The following AGBL4 variants were observed in gnomAD, a reference collection of about 807,000 sequenced individuals.
AGBL4 encodes cytosolic carboxypeptidase 6.
In AGBL4, 58 loss-of-function variants were observed where a neutral mutation model predicts 66.4. The observed-to-expected ratio is 0.87, with a 90% CI of 0.71 to 1.09. The LOEUF is 1.09. Ranked by LOEUF, AGBL4 falls within the 50% of genes least tolerant of loss-of-function variation. The pLI is 0.00. For missense variants in AGBL4, 579 were observed against 631.0 expected, an observed-to-expected ratio of 0.92 and a Z score of 0.88; for synonymous variants, 234 against 222.9, an observed-to-expected ratio of 1.05 and a Z score of -0.44.
intron 9 of AGBL4, among the ~76,000 whole-genome samples, chr1:48,630,642 G>A (rs375287139): frequency 4.6e-5 from 7 of 152,154 alleles, no homozygotes; most frequent in African/African-American, 9.7e-5. Flanking sequence ...GTTCGGCACC[G>A]TCCGAATTTA....
chr1:49,852,035 A>C (rs2148064931), intron 1 of AGBL4, among the ~76,000 whole-genome samples: 1 of 152,316 alleles, frequency 6.6e-6, no homozygotes, highest in Non-Finnish European at 1.5e-5. Context: ...TTAGCATAGA[A>C]GTTCTATTTC....
chr1:48,785,789 G>T (rs1054804101), intron 6 of AGBL4, among the ~76,000 whole-genome samples: 1 of 152,122 alleles, frequency 6.6e-6, no homozygotes, highest in African/African-American at 2.4e-5. Context: ...TCCTGTTGTT[G>T]TTGGCTGGAA....
intron 6 of AGBL4, among the ~76,000 whole-genome samples, chr1:48,691,176 C>T (rs896807626): frequency 7.9e-6 from 1 of 126,352 alleles, no homozygotes; most frequent in African/African-American, 2.8e-5. Flanking sequence ...AAAAAAAAAA[C>T]ACATATATGT....
intron 4 of AGBL4, among the ~76,000 whole-genome samples, chr1:49,169,038 C>A (rs554946247): frequency 6.6e-6 from 1 of 152,322 alleles, no homozygotes; most frequent in East Asian, 1.9e-4. Context: ...CTTCCTATAT[C>A]TCTTCTCCAT....
At chr1:49,040,003 A>T (rs916841166) in intron 5 of AGBL4, among the ~76,000 whole-genome samples, 1 of 152,096 alleles carries the variant, frequency 6.6e-6, no homozygotes, top group African/African-American at 2.4e-5. Context: ...TCAAATTTAA[A>T]GTTTTTATTC....
chr1:49,776,335 T>G (rs1024301657), intron 2 of AGBL4, among the ~76,000 whole-genome samples: 1 of 152,172 alleles, frequency 6.6e-6, no homozygotes, highest in Non-Finnish European at 1.5e-5. Context: ...TTCCAATATC[T>G]TTTCTAGCAG....
intron 3 of AGBL4, among the ~76,000 whole-genome samples, chr1:49,319,557 T>C (rs1050790129): frequency 6.6e-6 from 1 of 152,134 alleles, no homozygotes; most frequent in African/African-American, 2.4e-5. Flanking sequence ...AGCTATTATG[T>C]CCATATCCCA....
chr1:48,720,498 A>G (rs1647128268), intron 6 of AGBL4, among the ~76,000 whole-genome samples: 1 of 152,250 alleles, frequency 6.6e-6, no homozygotes, highest in Non-Finnish European at 1.5e-5. Context: ...CCTCCAGATC[A>G]CAGCTGTGCC....
intron 3 of AGBL4, among the ~76,000 whole-genome samples, chr1:49,454,513 A>G (rs1646347158): frequency 6.6e-6 from 1 of 151,740 alleles, no homozygotes; most frequent in African/African-American, 2.4e-5. Flanking sequence ...TATTCTTTTC[A>G]ACTTTGAGAT....
At chr1:48,522,932 A>C in the AGBL4 span, among the ~76,000 whole-genome samples, 1 of 151,940 alleles carries the variant, frequency 6.6e-6, no homozygotes, top group African/African-American at 2.4e-5. Flanking sequence ...TCTCAAAAAA[A>C]AAAAAAAAAG....
intron 6 of AGBL4, among the ~76,000 whole-genome samples, chr1:48,714,031 A>T (rs10888615): frequency 3.3e-5 from 5 of 152,110 alleles, no homozygotes; most frequent in African/African-American, 1.2e-4. Context: ...TTAAATCTTG[A>T]GTACATCTCA....
intron 3 of AGBL4, among the ~76,000 whole-genome samples, chr1:49,536,974 TC>T (rs1651641788): frequency 1.3e-5 from 2 of 149,810 alleles, no homozygotes; most frequent in African/African-American, 4.9e-5. Context: ...GCCATTGCAC[TC>T]CAGCCTGGGC....
intron 3 of AGBL4, among the ~76,000 whole-genome samples, chr1:49,501,098 G>T (rs931667905): frequency 6.6e-6 from 1 of 151,978 alleles, no homozygotes; most frequent in Admixed American, 6.6e-5. Context: ...TCTTGATTAG[G>T]TATATTGCTA....
intron 3 of AGBL4, among the ~76,000 whole-genome samples, chr1:49,510,192 C>G (rs1284172189): frequency 6.6e-6 from 1 of 151,990 alleles, no homozygotes; most frequent in East Asian, 1.9e-4. Context: ...AGTTTACAGT[C>G]CCACCAACAG....
intron 3 of AGBL4, among the ~76,000 whole-genome samples, chr1:49,460,583 A>T (rs1646490290): frequency 6.6e-6 from 1 of 151,716 alleles, no homozygotes. Context: ...CATGTAGGCC[A>T]CTTACATTCA....
chr1:48,955,719 A>C (rs917142459), intron 5 of AGBL4, among the ~76,000 whole-genome samples: 3 of 152,176 alleles, frequency 2.0e-5, no homozygotes, highest in Non-Finnish European at 4.4e-5. Context: ...GTATAATTGA[A>C]AAAACGAGAA....
chr1:48,544,444 G>A (rs532081982), intron 11 of AGBL4, among the ~76,000 whole-genome samples: 31 of 152,282 alleles, frequency 2.0e-4, no homozygotes, highest in South Asian at 1.9e-3. Flanking sequence ...ATGGCAGATC[G>A]TATTTTCCAA....
intron 1 of AGBL4, among the ~76,000 whole-genome samples, chr1:49,895,051 T>C (rs2148176215): frequency 6.6e-6 from 1 of 152,226 alleles, no homozygotes; most frequent in Admixed American, 6.5e-5. Context: ...AGTTCCAATA[T>C]GTCTGGTAGC....
Position 49,595,428 on chromosome 1 carries a change from A to G in AGBL4, c.282+101885T>C, listed in dbSNP as rs141805448. ...ATTAATTTATTTTTTAAATATTTAC[A>G]GTACAGAAGGCTTATAAAATTTGTT... is the stretch of plus-strand genomic sequence containing the variant. On this transcript the variant is annotated intron_variant, in intron 3 of 13. Transcript: ENST00000371839. Among the ~76,000 whole-genome samples the G allele has an allele frequency of 8.6e-3, 1,314 of 152,250 alleles. 19 individuals are homozygous for G. Among genetic ancestry groups the G allele is most frequent in the African/African-American group, 0.03 (1,235 of 41,546 alleles).
Sources: allele counts gnomAD v4.1 joint callset (sites outside exome capture counted in the v4.1 genomes callset), GRCh38; gene constraint gnomAD v4.1.1; transcripts MANE v1.5; gene names NCBI Gene and HGNC (gene_info 2026-07-23, HGNC 2026-07-21).